The following HECW2 variants were observed in gnomAD, a reference collection of about 807,000 sequenced individuals.
HECW2 encodes HECT, C2 and WW domain containing E3 ubiquitin protein ligase 2.
Under a neutral mutation model 175.2 loss-of-function variants are expected in HECW2, and 61 were observed. The ratio of observed to expected loss-of-function variants is 0.35; its 90% CI spans 0.28 to 0.43. HECW2 has a LOEUF of 0.43. HECW2 is among the 20% of genes least tolerant of loss of function. HECW2 has a pLI of 1.00. For missense variants in HECW2, 1,524 were observed against 2,000.5 expected (o/e 0.76, Z 4.54); for synonymous variants, 671 against 731.0 (o/e 0.92, Z 1.32).
intron 1 of HECW2, among the ~76,000 whole-genome samples, chr2:196,573,959 TTG>T (rs1346745282): frequency 6.6e-6 from 1 of 151,814 alleles, no homozygotes; most frequent in African/African-American, 2.4e-5. Context: ...GGCAAGAGGA[TTG>T]CCTGAACCCA....
chr2:196,515,249 T>C (rs969483835), intron 1 of HECW2, among the ~76,000 whole-genome samples: 1 of 152,224 alleles, frequency 6.6e-6, no homozygotes, highest in Non-Finnish European at 1.5e-5. Context: ...GATCCCATGC[T>C]CACTTGCCCA....
At chr2:196,391,318 C>T (rs1213783886) in intron 2 of HECW2, among the ~76,000 whole-genome samples, 1 of 152,098 alleles carries the variant, frequency 6.6e-6, no homozygotes, top group African/African-American at 2.4e-5. Context: ...TAATGTATCA[C>T]CCCTATGATC....
At position 196,309,613 on chromosome 2, in the gene HECW2, A is replaced by C. The variant is rs993275502; in HGVS notation, c.2435-1528T>G. Among the ~76,000 whole-genome samples, 6 of 7,532 alleles carry C rather than the reference A, an allele frequency of 8.0e-4. No individual in the cohort carries two copies. In the Non-Finnish European group the frequency reaches 0.032, roughly 40 times the overall value. 4.9% of individuals were successfully genotyped at this position (7,532 alleles called of 152,430 possible). A position where few individuals can be genotyped will look rare whatever the true frequency, so the allele number is the denominator to read the frequency against. ...TCCATCTCAAAAGATTTTGGGAACC[A>C]ATTACCCCATCTCATTCCTTTCTCA... On this transcript the variant is annotated intron_variant, in intron 10 of 28. Transcript: ENST00000644978.
chr2:196,337,268 G>C (rs1001086850), intron 3 of HECW2, among the ~76,000 whole-genome samples: 2 of 151,896 alleles, frequency 1.3e-5, no homozygotes, highest in African/African-American at 4.8e-5. Context: ...CAGGGGCACA[G>C]GCTTCTGTTG....
intron 25 of HECW2, among the ~76,000 whole-genome samples, chr2:196,220,433 T>G (rs1214075830): frequency 6.6e-6 from 1 of 152,184 alleles, no homozygotes. Context: ...ACAGAAAAAG[T>G]CACATACAAT....
At chr2:196,388,221 C>T (rs1279943455) in intron 2 of HECW2, among the ~76,000 whole-genome samples, 4 of 152,056 alleles carry the variant, frequency 2.6e-5, no homozygotes, top group African/African-American at 9.7e-5. Context: ...TCATGTAAGC[C>T]CAGGTCAAGG....
At chr2:196,549,501 T>C (rs1000478769) in intron 1 of HECW2, among the ~76,000 whole-genome samples, 2 of 152,202 alleles carry the variant, frequency 1.3e-5, no homozygotes, top group African/African-American at 2.4e-5. Context: ...ATCCATGTAA[T>C]TACATTTTTA....
chr2:196,215,928 C>T lies in HECW2; in HGVS notation c.4544G>A (p.Arg1515Gln), dbSNP rs762051916. 6.8e-6 allele frequency: 11 copies of T among 1,613,904 alleles called. No homozygotes were observed. Among genetic ancestry groups the T allele is most frequent in the South Asian group, 1.1e-5 (1 of 91,086 alleles). ...SIPYEGFASL[R>Q]GSNGPRRFCV... ...GAATCTTCTTGGGCCGTTACTCCCT[C>T]GGAGTGAAGCAAATCCTTCATAGGG... The change falls in exon 28 of 29, where the codon CGA becomes CAA. Residue 1515 changes from arginine (R) to glutamine (Q), a missense_variant. Physicochemically the swap from Arg to Gln is conservative, Grantham distance 43. This residue lies in a region of HECW2 where 134 missense variants were observed against 287.8 expected (regional missense o/e 0.47). Coordinates refer to ENST00000644978, the MANE Select transcript of HECW2 (RefSeq NM_001348768.2).
intron 9 of HECW2, 38 bp downstream of exon 9, chr2:196,318,514 C>A (rs377701669): frequency 6.9e-7 from 1 of 1,448,432 alleles, no homozygotes; most frequent in African/African-American, 1.4e-5. Flanking sequence ...TGCACAGCTA[C>A]GCTCGAGCCA....
At chr2:196,505,046 G>A (rs879275579) in intron 1 of HECW2, among the ~76,000 whole-genome samples, 1 of 151,970 alleles carries the variant, frequency 6.6e-6, no homozygotes, top group Non-Finnish European at 1.5e-5. Context: ...TGCATGAATG[G>A]TTGACTCCAA....
intron 2 of HECW2, among the ~76,000 whole-genome samples, chr2:196,349,905 G>C (rs1693109307): frequency 6.6e-6 from 1 of 152,074 alleles, no homozygotes; most frequent in Non-Finnish European, 1.5e-5. Flanking sequence ...GGAACACCTA[G>C]GGGTCTTAAA....
At chr2:196,472,960 C>A (rs936004941) in intron 1 of HECW2, among the ~76,000 whole-genome samples, 1 of 152,168 alleles carries the variant, frequency 6.6e-6, no homozygotes, top group Admixed American at 6.5e-5. Flanking sequence ...AAAACATGCA[C>A]ATTTGTCATA....
chr2:196,306,659 T>A, intron 12 of HECW2, 47 bp from the exon 13 acceptor site: 1 of 1,552,070 alleles, frequency 6.4e-7, no homozygotes, highest in Admixed American at 1.9e-5. Flanking sequence ...CTTTCTATGA[T>A]GTGAAAACTA....
intron 2 of HECW2, among the ~76,000 whole-genome samples, chr2:196,358,783 T>A (rs1198851641): frequency 6.6e-6 from 1 of 152,190 alleles, no homozygotes. Flanking sequence ...TATTTATGTT[T>A]CTTGAAACTC....
At chr2:196,369,342 G>GTCTGTCTCTCTCTC (rs1693841878) in intron 2 of HECW2, among the ~76,000 whole-genome samples, 1 of 131,452 alleles carries the variant, frequency 7.6e-6, no homozygotes, top group South Asian at 2.7e-4. Context: ...AACAAATGGA[G>GTCTGTCTCTCTCTC]TCTCTCTCTC....
chr2:196,355,526 A>G (rs1468554283), intron 2 of HECW2, among the ~76,000 whole-genome samples: 1 of 152,272 alleles, frequency 6.6e-6, no homozygotes, highest in Admixed American at 6.5e-5. Context: ...TTCATAAGAA[A>G]GAGCAGAGTA....
intron 16 of HECW2, among the ~76,000 whole-genome samples, chr2:196,273,452 T>G (rs1288132289): frequency 6.6e-6 from 1 of 152,190 alleles, no homozygotes; most frequent in Admixed American, 6.5e-5. Flanking sequence ...CGCTCCAGGT[T>G]TGGCAACCAC....
At chr2:196,388,490 C>T (rs1439652846) in intron 2 of HECW2, among the ~76,000 whole-genome samples, 1 of 152,064 alleles carries the variant, frequency 6.6e-6, no homozygotes, top group East Asian at 1.9e-4. Flanking sequence ...TATTATCATT[C>T]CCATGTTACC....
At chr2:196,322,715 C>T in intron 6 of HECW2, 95 bp from the exon 7 acceptor site, 2 of 1,132,964 alleles carry the variant, frequency 1.8e-6, no homozygotes, top group Admixed American at 4.2e-5. Flanking sequence ...CTCTTAAATT[C>T]TAACAACATA....
Sources: gnomAD v4.1 joint callset for allele counts (sites outside exome capture counted in the v4.1 genomes callset) on GRCh38, gnomAD v4.1.1 for gene constraint, gnomAD v4.1.1 regional missense constraint, MANE v1.5 for transcripts, NCBI Gene and HGNC (gene_info 2026-07-23, HGNC 2026-07-21) for gene names.